Variants in UBE4B observed in about 807,000 individuals in gnomAD.
The protein encoded by UBE4B is ubiquitin conjugation factor E4 B.
Under a neutral mutation model 148.1 loss-of-function variants are expected in UBE4B, and 27 were observed. That is an observed-to-expected ratio of 0.18 (90% CI 0.13 to 0.25). The LOEUF (loss-of-function observed/expected upper bound fraction) is 0.25, where lower values mean the gene tolerates loss of function less well. Among genes scored for constraint, UBE4B ranks in the 10% least tolerant of loss-of-function variants. The probability of loss-of-function intolerance (pLI) is 1.00; values close to 1 mark genes in which losing one functional copy is unlikely to be tolerated. For synonymous variants in UBE4B, 596 were observed against 619.3 expected (o/e 0.96, Z 0.56); for missense variants, 1,170 against 1,662.4 (o/e 0.70, Z 5.15).
At chr1:10,155,105 G>GTA (rs1646047714) in intron 21 of UBE4B, among the ~76,000 whole-genome samples, 1 of 149,258 alleles carries the variant, frequency 6.7e-6, no homozygotes, top group Admixed American at 6.6e-5. Flanking sequence ...GTGTGTGTGT[G>GTA]TGTGTTTGTG....
intron 5 of UBE4B, among the ~76,000 whole-genome samples, chr1:10,104,022 A>G (rs1557555529): frequency 6.6e-6 from 1 of 151,994 alleles, no homozygotes; most frequent in African/African-American, 2.4e-5. Context: ...GGCCTCCCAA[A>G]GTGCTGGGAT....
chr1:10,111,236 A>C (rs1467922336), intron 7 of UBE4B, among the ~76,000 whole-genome samples: 2 of 152,016 alleles, frequency 1.3e-5, no homozygotes, highest in South Asian at 4.2e-4. Context: ...ACCACGCGCT[A>C]CACACACACC....
intron 1 of UBE4B, among the ~76,000 whole-genome samples, chr1:10,036,554 C>CA (rs1048927312): frequency 6.6e-4 from 100 of 151,150 alleles, no homozygotes; most frequent in Admixed American, 7.3e-4. Flanking sequence ...AGGATGGTCT[C>CA]AAACTCCTGA....
intron 1 of UBE4B, among the ~76,000 whole-genome samples, chr1:10,060,840 C>T (rs1314775434): frequency 6.6e-6 from 1 of 151,944 alleles, no homozygotes; most frequent in Non-Finnish European, 1.5e-5. Context: ...GCTCACTAGG[C>T]TCAAGTGATC....
intron 2 of UBE4B, among the ~76,000 whole-genome samples, chr1:10,079,141 A>T (rs1466244700): frequency 2.6e-5 from 4 of 152,008 alleles, no homozygotes; most frequent in Admixed American, 6.6e-5. Context: ...CCCTTTGGCA[A>T]ACTGGGGAAG....
intron 9 of UBE4B, 45 bp downstream of exon 9, chr1:10,119,658 C>T (rs1645379225): frequency 2.5e-6 from 4 of 1,572,634 alleles, no homozygotes; most frequent in Non-Finnish European, 3.5e-6. Flanking sequence ...GCAGAGAGCC[C>T]TAGCCGTCAG....
chr1:10,121,863 G>T (rs1027507308), intron 9 of UBE4B, 99 bp from the exon 10 acceptor site: 2 of 706,018 alleles, frequency 2.8e-6, no homozygotes, highest in Admixed American at 5.3e-5. Flanking sequence ...GAGATGTCAA[G>T]TTTGACTTTT....
chr1:10,164,752 G>A (rs1432983327), intron 23 of UBE4B, among the ~76,000 whole-genome samples: 3 of 151,974 alleles, frequency 2.0e-5, no homozygotes, highest in Non-Finnish European at 2.9e-5. Flanking sequence ...TCTCCCTGAC[G>A]TCTGAGCTTG....
intron 25 of UBE4B, among the ~76,000 whole-genome samples, chr1:10,171,754 G>C (rs9782923): frequency 0.1 from 15,586 of 152,198 alleles, 1,664 homozygotes; most frequent in African/African-American, 0.27. Context: ...GGTGGTGCAT[G>C]CCTGTAATCA....
intron 7 of UBE4B, among the ~76,000 whole-genome samples, chr1:10,109,536 T>G (rs879710030): frequency 1.3e-5 from 2 of 152,000 alleles, no homozygotes; most frequent in Non-Finnish European, 2.9e-5. Context: ...TTAGTTGATA[T>G]AAAAAAGAAT....
chr1:10,123,509 A>G (rs1645444546), intron 10 of UBE4B, among the ~76,000 whole-genome samples: 3 of 152,012 alleles, frequency 2.0e-5, no homozygotes. Context: ...ATGGGTAGTA[A>G]TTAGAATACT....
intron 25 of UBE4B, among the ~76,000 whole-genome samples, chr1:10,173,245 G>A (rs1357221140): frequency 6.6e-6 from 1 of 152,042 alleles, no homozygotes; most frequent in Non-Finnish European, 1.5e-5. Context: ...TTGGGAGGCC[G>A]AGGCGGGTGG....
chr1:10,041,654 G>T (rs114982490), intron 1 of UBE4B, among the ~76,000 whole-genome samples: 7,813 of 151,704 alleles, frequency 0.052, 303 homozygotes, highest in African/African-American at 0.11. Context: ...GCATTCTTAC[G>T]GTCCCTTCTG....
At chr1:10,163,151 T>C (rs898640116) in intron 23 of UBE4B, 2 of 152,094 alleles carry the variant, frequency 1.3e-5, no homozygotes, top group African/African-American at 4.8e-5. Flanking sequence ...CTCAACCTCC[T>C]GGACTCAAGT....
At chr1:10,149,378 A>T (rs913071291) in intron 20 of UBE4B, 96 bp downstream of exon 20, 2 of 974,888 alleles carry the variant, frequency 2.1e-6, no homozygotes, top group African/African-American at 3.4e-5. Flanking sequence ...TTCATGCCTG[A>T]AATTTGATGT....
chr1:10,080,101 C>T (rs1003533823), intron 2 of UBE4B, among the ~76,000 whole-genome samples: 2 of 152,030 alleles, frequency 1.3e-5, no homozygotes, highest in African/African-American at 4.8e-5. Context: ...TTTTTTGGAG[C>T]ATTTTCACAC....
At chr1:10,047,348 G>A (rs1448937409) in intron 1 of UBE4B, among the ~76,000 whole-genome samples, 1 of 152,078 alleles carries the variant, frequency 6.6e-6, no homozygotes, top group Non-Finnish European at 1.5e-5. Flanking sequence ...TTTGTGCACT[G>A]TCATCCTCTA....
rs1339253367 is a variant in UBE4B, at chr1:10,171,126, G to T, written c.3334-12G>T. The T allele has an allele frequency of 6.2e-7, 1 of 1,611,738 alleles. No homozygotes were observed. The highest frequency in any genetic ancestry group is 8.5e-7 in the Non-Finnish European group (1 of 1,178,740). On this transcript the variant is annotated splice_polypyrimidine_tract_variant and intron_variant, in intron 24 of 27. Coordinates refer to ENST00000343090, the MANE Select transcript of UBE4B (RefSeq NM_001105562.3). ...ACAGCATGAATTGTCCTATTATCCT[G>T]TGATTTCCTAGGAGCTTGGACCCCG...
Position 10,064,358 on chromosome 1 carries a change from A to G in UBE4B, c.25-7670A>G, listed in dbSNP as rs151140088. Among the ~76,000 whole-genome samples, 355 of 152,314 alleles carry G rather than the reference A, an allele frequency of 2.3e-3. 15 individuals are homozygous for G. In the East Asian group the frequency reaches 0.053, roughly 23 times the overall value. ...TATAAGATGGTGAAAAAAAGGTGAT[A>G]CTCTATGCACAAGCAAACTGCTGAT... On this transcript the variant is annotated intron_variant, in intron 1 of 27. Transcript: ENST00000343090.
Sources: gnomAD v4.1 joint callset for allele counts (sites outside exome capture counted in the v4.1 genomes callset) on GRCh38, gnomAD v4.1.1 for gene constraint, MANE v1.5 for transcripts, NCBI Gene and HGNC (gene_info 2026-07-23, HGNC 2026-07-21) for gene names.